Variants in DLGAP2 observed in about 807,000 individuals in gnomAD.
DLGAP2 encodes the protein disks large-associated protein 2.
In DLGAP2, 26 loss-of-function variants were observed where a neutral mutation model predicts 100.3. The observed-to-expected ratio is 0.26, with a 90% CI of 0.19 to 0.36. The LOEUF is 0.36. DLGAP2 is among the 10% of genes least tolerant of loss of function. The pLI is 1.00. For synonymous variants in DLGAP2, 886 were observed against 630.1 expected (o/e 1.41, Z -6.08); for missense variants, 1,858 against 1,453.2 (o/e 1.28, Z -4.53).
chr8:1,644,818 A>G (rs1017556213), intron 8 of DLGAP2, among the ~76,000 whole-genome samples: 15 of 152,366 alleles, frequency 9.8e-5, no homozygotes, highest in African/African-American at 3.6e-4. Context: ...TTACTCTAAC[A>G]GGATGTTCGT....
chr8:1,557,732 C>T (rs1017025336), intron 5 of DLGAP2, among the ~76,000 whole-genome samples: 1 of 152,190 alleles, frequency 6.6e-6, no homozygotes, highest in African/African-American at 2.4e-5. Context: ...CACGCAGACG[C>T]CGTCCTCTCC....
intron 1 of DLGAP2, among the ~76,000 whole-genome samples, chr8:795,674 T>C (rs1796012410): frequency 3.2e-5 from 4 of 125,996 alleles, no homozygotes; most frequent in African/African-American, 1.1e-4. Flanking sequence ...AGGTGTCCAG[T>C]GAGAACAGGC....
chr8:1,253,511 C>G (rs1038203800), intron 2 of DLGAP2, among the ~76,000 whole-genome samples: 1 of 152,230 alleles, frequency 6.6e-6, no homozygotes, highest in East Asian at 1.9e-4. Flanking sequence ...ATAAAATGCT[C>G]TATGAATTTA....
At chr8:883,785 C>T (rs1014473504) in intron 1 of DLGAP2, among the ~76,000 whole-genome samples, 8 of 152,162 alleles carry the variant, frequency 5.3e-5, no homozygotes, top group Non-Finnish European at 1.2e-4. Flanking sequence ...TAAGTTTCCT[C>T]CCCCCACTCC....
chr8:1,054,663 T>C (rs2129033674), intron 2 of DLGAP2, among the ~76,000 whole-genome samples: 1 of 152,336 alleles, frequency 6.6e-6, no homozygotes, highest in East Asian at 1.9e-4. Flanking sequence ...AATTGACTGC[T>C]TAATTTAAAT....
chr8:927,541 G>A lies in DLGAP2; in HGVS notation c.73+19575G>A, dbSNP rs547228176. 9.2e-5 allele frequency among the ~76,000 whole-genome samples: 14 copies of A among 152,282 alleles called. 1 individual carries two copies. In the South Asian group the frequency reaches 2.9e-3, roughly 32 times the overall value. On this transcript the variant is annotated intron_variant, in intron 2 of 14. Transcript: ENST00000637795. ...CGCGTGTGTCCCTCACCCAGAGAGGGCACTTAACGCCTCCGAGCCTCAGTG... is the reference window on the plus strand; with the variant it reads ...CGCGTGTGTCCCTCACCCAGAGAGGACACTTAACGCCTCCGAGCCTCAGTG...
chr8:1,043,522 C>T (rs1186067114), intron 2 of DLGAP2, among the ~76,000 whole-genome samples: 1 of 151,862 alleles, frequency 6.6e-6, no homozygotes, highest in South Asian at 2.1e-4. Flanking sequence ...CCCTGGCCTT[C>T]GTAGGACAAA....
intron 8 of DLGAP2, among the ~76,000 whole-genome samples, chr8:1,660,534 A>C (rs575692930): frequency 6.6e-6 from 1 of 152,288 alleles, no homozygotes; most frequent in East Asian, 1.9e-4. Flanking sequence ...ACATGTAAAA[A>C]TGCGTCTGGT....
chr8:1,655,356 C>G (rs1798259572), intron 8 of DLGAP2, among the ~76,000 whole-genome samples: 1 of 152,174 alleles, frequency 6.6e-6, no homozygotes, highest in Admixed American at 6.5e-5. Context: ...GGCTTGATGA[C>G]TGTAATTCCT....
intron 6 of DLGAP2, among the ~76,000 whole-genome samples, chr8:1,598,581 A>G (rs1373150704): frequency 2.0e-5 from 3 of 151,956 alleles, no homozygotes; most frequent in Admixed American, 6.6e-5. Context: ...CTTATTCCTC[A>G]TTTAGTCTTG....
Position 893,788 on chromosome 8 carries a change from G to C in DLGAP2, c.19-14124G>C, listed in dbSNP as rs150305027. On this transcript the variant is annotated intron_variant, in intron 1 of 14. Transcript: ENST00000637795. ...GTGCTGTCCTAGGCTCTGGACATGG[G>C]GGTCTCCAAGGTGTGTCCTGACAGA... is the stretch of plus-strand genomic sequence containing the variant. 2.3e-3 allele frequency among the ~76,000 whole-genome samples: 349 copies of C among 152,370 alleles called. 2 individuals carry two copies. Among genetic ancestry groups the C allele is most frequent in the African/African-American group, 7.9e-3 (328 of 41,598 alleles).
chr8:1,141,146 C>A (rs977764919), intron 2 of DLGAP2, among the ~76,000 whole-genome samples: 5 of 152,094 alleles, frequency 3.3e-5, no homozygotes, highest in Non-Finnish European at 7.4e-5. Flanking sequence ...CAGCTTTCTC[C>A]TGGGGAGGGA....
At chr8:1,343,762 A>C in intron 3 of DLGAP2, among the ~76,000 whole-genome samples, 2 of 150,628 alleles carry the variant, frequency 1.3e-5, no homozygotes. Flanking sequence ...AGGCCTCTCC[A>C]AGAGGCGGGG....
At chr8:1,327,471 C>G (rs1244194153) in intron 3 of DLGAP2, among the ~76,000 whole-genome samples, 2 of 152,186 alleles carry the variant, frequency 1.3e-5, no homozygotes, top group South Asian at 2.1e-4. Flanking sequence ...TTAGTTATTG[C>G]TTGCTATAGC....
intron 2 of DLGAP2, among the ~76,000 whole-genome samples, chr8:1,197,828 C>T (rs900384456): frequency 2.0e-5 from 3 of 152,176 alleles, no homozygotes; most frequent in Admixed American, 1.3e-4. Context: ...CTGCAGCGTT[C>T]CCTCCCATGG....
rs189114841 is a variant in DLGAP2 at position 1,260,466 on chromosome 8, G to A, written c.106+1583G>A. On this transcript the variant is annotated intron_variant, in intron 3 of 14. Transcript: ENST00000637795. ...TGGCCCATGTGGGGTGTGTTTTGTT[G>A]TCACATGCCACTTACTGCTGTCATA... 2.8e-3 allele frequency among the ~76,000 whole-genome samples: 434 copies of A among 152,286 alleles called. 1 individual carries two copies. Among genetic ancestry groups the A allele is most frequent in the African/African-American group, 9.9e-3 (413 of 41,554 alleles).
intron 2 of DLGAP2, among the ~76,000 whole-genome samples, chr8:915,036 A>G (rs1325895999): frequency 2.0e-5 from 3 of 152,246 alleles, no homozygotes; most frequent in Non-Finnish European, 4.4e-5. Context: ...CTATCGACAC[A>G]GGGCACACTG....
chr8:1,004,406 A>T lies in DLGAP2; in HGVS notation c.73+96440A>T, dbSNP rs140266226. 5.1e-4 allele frequency among the ~76,000 whole-genome samples: 77 copies of T among 152,326 alleles called. 2 individuals are homozygous for T. Among genetic ancestry groups the T allele is most frequent in the Middle Eastern group, 3.4e-3 (1 of 294 alleles). On this transcript the variant is annotated intron_variant, in intron 2 of 14. Coordinates refer to ENST00000637795, the MANE Select transcript of DLGAP2 (RefSeq NM_001346810.2). ...CTTTAATTTGCATTTTGAGATTATT[A>T]CCTGCTGTTTCAAATAGGTGAGCTC...
chr8:1,337,097 G>A (rs570995339), intron 3 of DLGAP2, among the ~76,000 whole-genome samples: 47 of 152,196 alleles, frequency 3.1e-4, no homozygotes, highest in African/African-American at 6.0e-4. Flanking sequence ...GGAGGAGGAG[G>A]TGAAGAAGAA....
Sources: allele counts gnomAD v4.1 joint callset (sites outside exome capture counted in the v4.1 genomes callset), GRCh38; gene constraint gnomAD v4.1.1; transcripts MANE v1.5; gene names NCBI Gene and HGNC (gene_info 2026-07-23, HGNC 2026-07-21).